The following TAF3 variants were observed in gnomAD, a reference collection of about 807,000 sequenced individuals.
TAF3 encodes the protein transcription initiation factor TFIID subunit 3.
A neutral mutation model predicts 80.6 loss-of-function variants in TAF3; 7 were observed. The observed-to-expected ratio is 0.09, with a 90% CI of 0.05 to 0.16. The LOEUF is 0.16. Among genes scored for constraint, TAF3 ranks in the 10% least tolerant of loss-of-function variants. The pLI is 1.00. For synonymous variants in TAF3, 444 were observed against 446.1 expected, an observed-to-expected ratio of 1.00 and a Z score of 0.06; for missense variants, 921 against 1,140.2, an observed-to-expected ratio of 0.81 and a Z score of 2.77.
chr10:8,013,662 T>C (rs1024512036), intron 5 of TAF3, 69 bp from the exon 6 acceptor site: 10 of 1,260,966 alleles, frequency 7.9e-6, no homozygotes, highest in Admixed American at 5.1e-5. Flanking sequence ...GTAATCATTC[T>C]GATCTGGCCT....
At chr10:7,903,387 A>T (rs1374636466) in intron 2 of TAF3, among the ~76,000 whole-genome samples, 1 of 152,194 alleles carries the variant, frequency 6.6e-6, no homozygotes. Flanking sequence ...CCCCAGGCTC[A>T]CTGTGTACTT....
At chr10:7,969,346 C>G (rs1024785543) in intron 3 of TAF3, among the ~76,000 whole-genome samples, 4 of 151,770 alleles carry the variant, frequency 2.6e-5, no homozygotes, top group African/African-American at 9.7e-5. Flanking sequence ...GCAGTCACAG[C>G]CATAATAGTT....
At chr10:7,940,405 T>G (rs927509399) in intron 2 of TAF3, among the ~76,000 whole-genome samples, 9 of 152,336 alleles carry the variant, frequency 5.9e-5, no homozygotes, top group African/African-American at 2.2e-4. Flanking sequence ...TTTATAGATT[T>G]AGATTAAAAG....
At chr10:7,835,717 C>A (rs1836845367) in intron 2 of TAF3, among the ~76,000 whole-genome samples, 1 of 152,218 alleles carries the variant, frequency 6.6e-6, no homozygotes, top group African/African-American at 2.4e-5. Context: ...GGCTTTCCAG[C>A]AGAGGCCTGG....
At position 7,942,035 on chromosome 10, in the gene TAF3, T is replaced by C. The variant is rs148993745; in HGVS notation, c.410-21885T>C. On this transcript the variant is annotated intron_variant, in intron 2 of 6. Transcript: ENST00000344293. ...TTTGTTTTGAGGTCAGTTTTTTTGC[T>C]TCACAAGTGGGGTTGTATCATGTGC... Among the ~76,000 whole-genome samples, 29 of 152,338 alleles carry C rather than the reference T, an allele frequency of 1.9e-4. No individual in the cohort carries two copies. The East Asian group carries it at 5.2e-3, about 27-fold the overall frequency.
chr10:7,948,550 T>C (rs187194292), intron 2 of TAF3, among the ~76,000 whole-genome samples: 1 of 152,334 alleles, frequency 6.6e-6, no homozygotes, highest in Admixed American at 6.5e-5. Flanking sequence ...TAATAATCTT[T>C]AAATCCTGAA....
Position 8,009,100 on chromosome 10 carries a change from G to C in TAF3, c.2338G>C (p.Ala780Pro). 6.2e-7 allele frequency: 1 copy of C among 1,601,292 alleles called. No homozygotes were observed. ...CAGTGTCATCAGCAAGGTGGTCCCT[G>C]CCCCCGAGGCCAAGCCGGCGCCCTC... ...DKIVISKVVP[A>P]PEAKPAPSQN... Residue 780 changes from alanine (A) to proline (P), a missense_variant, in exon 5 of 7, where the codon GCC (alanine) becomes CCC (proline). Coordinates refer to ENST00000344293, the MANE Select transcript of TAF3 (RefSeq NM_031923.4). This position sits in a 1 kb window ranked among gnomAD's most constrained non-coding sequence, Gnocchi z 4.1.
chr10:7,823,924 C>G (rs1836715990), intron 1 of TAF3, among the ~76,000 whole-genome samples: 1 of 150,592 alleles, frequency 6.6e-6, no homozygotes, highest in Non-Finnish European at 1.5e-5. Context: ...AGCCATCGCG[C>G]CCAGCTAAGA....
intron 2 of TAF3, among the ~76,000 whole-genome samples, chr10:7,895,839 C>T (rs552081486): frequency 3.9e-5 from 6 of 152,218 alleles, no homozygotes; most frequent in South Asian, 4.1e-4. Flanking sequence ...GTTTTTCTGG[C>T]GTTCAGTAGG....
At chr10:7,984,183 G>A (rs1831755044) in intron 4 of TAF3, among the ~76,000 whole-genome samples, 1 of 151,882 alleles carries the variant, frequency 6.6e-6, no homozygotes, top group Admixed American at 6.6e-5. Flanking sequence ...TTATATTACT[G>A]TCTTATTTTT....
chr10:7,846,226 G>A (rs1436753067), intron 2 of TAF3, among the ~76,000 whole-genome samples: 1 of 152,116 alleles, frequency 6.6e-6, no homozygotes, highest in Non-Finnish European at 1.5e-5. Context: ...CGAAGTGCTG[G>A]CATTACAGGC....
chr10:7,929,170 A>T (rs1236227253), intron 2 of TAF3, among the ~76,000 whole-genome samples: 1 of 152,102 alleles, frequency 6.6e-6, no homozygotes, highest in Admixed American at 6.5e-5. Context: ...CAGGTCTTCA[A>T]CTATACTGTA....
intron 2 of TAF3, among the ~76,000 whole-genome samples, chr10:7,955,015 A>G (rs1838122039): frequency 6.6e-6 from 1 of 151,988 alleles, no homozygotes; most frequent in Non-Finnish European, 1.5e-5. Flanking sequence ...TGAATGAATT[A>G]GTCCCAGTTA....
At position 8,014,675 on chromosome 10, in the gene TAF3, T is replaced by C; in HGVS notation, c.2714T>C (p.Met905Thr). 1.2e-6 allele frequency: 2 copies of C among 1,613,224 alleles called. No homozygotes were observed. The highest frequency in any genetic ancestry group is 1.7e-6 in the Non-Finnish European group (2 of 1,179,614). Residue 905 changes from methionine (M) to threonine (T), a missense_variant, in exon 7 of 7, where the codon ATG becomes ACG. This residue lies in a region of TAF3 where 11 missense variants were observed against 20.3 expected (regional missense o/e 0.54). Coordinates refer to ENST00000344293, the MANE Select transcript of TAF3 (RefSeq NM_031923.4). ...VGIMTAPPEE[M>T]QWFCPKCANK... ...ATCATGACTGCACCCCCAGAAGAGATGCAGTGGTTCTGCCCCAAGTGTGCG... is the reference window on the plus strand; with the variant it reads ...ATCATGACTGCACCCCCAGAAGAGACGCAGTGGTTCTGCCCCAAGTGTGCG...
At chr10:7,864,494 A>C (rs895010261) in intron 2 of TAF3, among the ~76,000 whole-genome samples, 4 of 152,214 alleles carry the variant, frequency 2.6e-5, no homozygotes, top group African/African-American at 9.7e-5. Flanking sequence ...ATTATTCTTA[A>C]CCGTAGTCAC....
chr10:7,820,385 T>G (rs1836679126), intron 1 of TAF3, among the ~76,000 whole-genome samples: 1 of 152,358 alleles, frequency 6.6e-6, no homozygotes, highest in African/African-American at 2.4e-5. Context: ...AAATATTTGT[T>G]GAATAAATGA....
At chr10:8,000,603 C>CACACAAAAAAATACGT (rs1728029834) in intron 4 of TAF3, among the ~76,000 whole-genome samples, 1 of 151,894 alleles carries the variant, frequency 6.6e-6, no homozygotes, top group Non-Finnish European at 1.5e-5. Context: ...CCCGTCTCTA[C>CACACAAAAAAATACGT]ACACAAAAAA....
chr10:8,002,626 G>A (rs1179036040), intron 4 of TAF3, among the ~76,000 whole-genome samples: 2 of 152,078 alleles, frequency 1.3e-5, no homozygotes, highest in African/African-American at 4.8e-5. Context: ...TTCTTTCATT[G>A]TTCAGTATAT....
intron 2 of TAF3, among the ~76,000 whole-genome samples, chr10:7,856,598 A>G (rs1274099395): frequency 6.6e-6 from 1 of 152,208 alleles, no homozygotes; most frequent in East Asian, 1.9e-4. Context: ...AGGAGCAGTG[A>G]CCATCCGTGT....
Sources: gnomAD v4.1 joint callset for allele counts (sites outside exome capture counted in the v4.1 genomes callset) on GRCh38, gnomAD v4.1.1 for gene constraint, gnomAD v4.1.1 regional missense constraint, Gnocchi (gnomAD v3.1) non-coding constraint, MANE v1.5 for transcripts, NCBI Gene and HGNC (gene_info 2026-07-23, HGNC 2026-07-21) for gene names.